CYP19A1: variants seen among roughly 807,000 people sequenced by gnomAD.
CYP19A1 encodes the protein cytochrome P450 family 19 subfamily A member 1.
A neutral mutation model predicts 44.4 loss-of-function variants in CYP19A1; 32 were observed. The ratio of observed to expected loss-of-function variants is 0.72; its 90% CI spans 0.54 to 0.97. CYP19A1 has a LOEUF of 0.97. Ranked by LOEUF, CYP19A1 falls within the 50% of genes least tolerant of loss-of-function variation. CYP19A1 has a pLI of 0.00. For missense variants in CYP19A1, 598 were observed against 637.8 expected, an observed-to-expected ratio of 0.94 and a Z score of 0.67; for synonymous variants, 212 against 215.6, an observed-to-expected ratio of 0.98 and a Z score of 0.14.
At position 51,212,434 on chromosome 15, in the gene CYP19A1, G is replaced by A. The variant is rs913631342; in HGVS notation, c.1149C>T (p.Ile383=). The change falls in exon 9 of 10, where the codon ATC becomes ATT. Residue 383 remains isoleucine (I), a synonymous_variant. Coordinates refer to ENST00000396402, the MANE Select transcript of CYP19A1 (RefSeq NM_000103.4). The part of the protein sequence containing the change: ...VMRKALEDDV[I]DGYPVKKGTN... ...TCCCCTTTTTCACTGGGTAGCCATC[G>A]ATTACATCATCTTCTAAGGCTTTGC... is the stretch of plus-strand genomic sequence containing the variant. The A allele has an allele frequency of 6.8e-6, 11 of 1,608,464 alleles. No homozygotes were observed. The highest frequency in any genetic ancestry group is 2.2e-5 in the East Asian group (1 of 44,850).
intron 1 of CYP19A1, among the ~76,000 whole-genome samples, chr15:51,288,063 C>T (rs773014108): frequency 1.1e-4 from 16 of 152,190 alleles, no homozygotes; most frequent in Non-Finnish European, 1.8e-4. Flanking sequence ...AGATCTCCTA[C>T]AGCAATCACA....
At chr15:51,328,844 GAATAGAGCA>G (rs996505688) in intron 1 of CYP19A1, among the ~76,000 whole-genome samples, 1 of 152,166 alleles carries the variant, frequency 6.6e-6, no homozygotes, top group African/African-American at 2.4e-5. Context: ...CTGAAGGCCT[GAATAGAGCA>G]AAAAGTTTAC....
intron 1 of CYP19A1, among the ~76,000 whole-genome samples, chr15:51,274,103 T>G (rs2035222109): frequency 1.3e-5 from 2 of 151,752 alleles, no homozygotes; most frequent in South Asian, 4.2e-4. Context: ...AGGTAGAGAG[T>G]GGGACTGGGC....
rs560115843 is a variant in CYP19A1 at position 51,264,398 on chromosome 15, C to T, written c.-38-21448G>A. Among the ~76,000 whole-genome samples the T allele has an allele frequency of 2.0e-3, 299 of 151,984 alleles. 1 individual carries two copies. The highest frequency in any genetic ancestry group is 6.6e-3 in the African/African-American group (274 of 41,428). On this transcript the variant is annotated intron_variant, in intron 1 of 9. Coordinates refer to ENST00000396402, the MANE Select transcript of CYP19A1 (RefSeq NM_000103.4). ...GGAGTCGGGGGGGAGGGTAAGACCCCGAGAAAGATACCAAAGCCTTTGGTT... is the reference window on the plus strand; with the variant it reads ...GGAGTCGGGGGGGAGGGTAAGACCCTGAGAAAGATACCAAAGCCTTTGGTT...
chr15:51,306,295 G>T (rs2141007252), intron 1 of CYP19A1, among the ~76,000 whole-genome samples: 1 of 152,268 alleles, frequency 6.6e-6, no homozygotes, highest in Non-Finnish European at 1.5e-5. Context: ...GAATATTGGA[G>T]AAATAAAAGC....
intron 1 of CYP19A1, among the ~76,000 whole-genome samples, chr15:51,294,387 T>C (rs1366697302): frequency 4.2e-5 from 5 of 118,834 alleles, no homozygotes; most frequent in South Asian, 2.9e-4. Flanking sequence ...AGGTGAGGAG[T>C]GTCTCTGCCC....
chr15:51,292,919 A>C (rs2035881738), intron 1 of CYP19A1, among the ~76,000 whole-genome samples: 1 of 150,864 alleles, frequency 6.6e-6, no homozygotes, highest in Non-Finnish European at 1.5e-5. Flanking sequence ...TCTGCTTGGC[A>C]TTGAGGGGCA....
chr15:51,283,878 C>A lies in CYP19A1; in HGVS notation c.-38-40928G>T, dbSNP rs193207371. Among the ~76,000 whole-genome samples, 756 of 152,324 alleles carry A rather than the reference C, an allele frequency of 5.0e-3. 13 individuals are homozygous for A. Among genetic ancestry groups the A allele is most frequent in the African/African-American group, 0.018 (738 of 41,568 alleles). On this transcript the variant is annotated intron_variant, in intron 1 of 9. Transcript: ENST00000396402. Reference sequence around the variant, plus strand: ...AACAATTGTCCCCTGCCACAGCAGGCAGTGTTGCCATAGACCTTTGCAGCA... The same window carrying A: ...AACAATTGTCCCCTGCCACAGCAGGAAGTGTTGCCATAGACCTTTGCAGCA...
intron 1 of CYP19A1, among the ~76,000 whole-genome samples, chr15:51,301,058 A>G (rs746148505): frequency 3.3e-5 from 5 of 152,222 alleles, no homozygotes; most frequent in African/African-American, 4.8e-5. Flanking sequence ...AAGGGAAGTC[A>G]GATCCAAAGG....
intron 3 of CYP19A1, among the ~76,000 whole-genome samples, 177 bp downstream of exon 3, chr15:51,236,681 AG>A (rs1319113485): frequency 1.3e-5 from 2 of 152,220 alleles, no homozygotes; most frequent in African/African-American, 4.8e-5. Flanking sequence ...CTTCAATTCA[AG>A]CAAAACCCAA....
intron 3 of CYP19A1, among the ~76,000 whole-genome samples, chr15:51,236,419 T>C (rs1012928110): frequency 1.3e-5 from 2 of 152,234 alleles, no homozygotes; most frequent in East Asian, 3.8e-4. Flanking sequence ...ACCCAGACTA[T>C]AGTGCAGTGA....
chr15:51,285,593 C>G (rs996618346), intron 1 of CYP19A1, among the ~76,000 whole-genome samples: 2 of 152,190 alleles, frequency 1.3e-5, no homozygotes, highest in Non-Finnish European at 2.9e-5. Flanking sequence ...TGGAATGGGT[C>G]TAGACTTGCT....
intron 1 of CYP19A1, among the ~76,000 whole-genome samples, chr15:51,297,164 A>G (rs565485367): frequency 6.6e-6 from 1 of 152,324 alleles, no homozygotes; most frequent in Admixed American, 6.5e-5. Context: ...GACCTGGAAG[A>G]ACTTGAGAAT....
chr15:51,275,184 T>G (rs955812403), intron 1 of CYP19A1, among the ~76,000 whole-genome samples: 1 of 152,226 alleles, frequency 6.6e-6, no homozygotes, highest in Non-Finnish European at 1.5e-5. Flanking sequence ...CTACCCCACT[T>G]CACTTGGGAT....
rs941529439 is a variant in CYP19A1 at position 51,280,302 on chromosome 15, C to G, written c.-38-37352G>C. ...TTTAGTAGAGACGGGGTTTCACAGT[C>G]TTAGCCAGGATGGTCTTGATCTCCT... On this transcript the variant is annotated intron_variant, in intron 1 of 9. Coordinates refer to ENST00000396402, the MANE Select transcript of CYP19A1 (RefSeq NM_000103.4). Among the ~76,000 whole-genome samples, 20 of 151,770 alleles carry G rather than the reference C, an allele frequency of 1.3e-4. 1 individual carries two copies. Among genetic ancestry groups the G allele is most frequent in the Non-Finnish European group, 2.1e-4 (14 of 67,910 alleles).
At chr15:51,305,452 G>A (rs967676941) in intron 1 of CYP19A1, among the ~76,000 whole-genome samples, 6 of 152,188 alleles carry the variant, frequency 3.9e-5, no homozygotes, top group Non-Finnish European at 7.3e-5. Flanking sequence ...AGGGATGTGG[G>A]ATGATGGCAG....
At chr15:51,218,138 GTTAAA>G (rs909216447) in intron 6 of CYP19A1, among the ~76,000 whole-genome samples, 27 of 152,154 alleles carry the variant, frequency 1.8e-4, no homozygotes, top group African/African-American at 6.5e-4. Flanking sequence ...GTTGAATTAT[GTTAAA>G]TTCATTCAAA....
intron 1 of CYP19A1, among the ~76,000 whole-genome samples, chr15:51,301,513 G>C (rs1251293122): frequency 6.6e-6 from 1 of 152,194 alleles, no homozygotes; most frequent in Non-Finnish European, 1.5e-5. Flanking sequence ...CCCTCCCAAG[G>C]GGTCTTAGGA....
intron 1 of CYP19A1, among the ~76,000 whole-genome samples, chr15:51,304,890 C>CATTT (rs1555398466): frequency 9.6e-6 from 1 of 104,572 alleles, no homozygotes; most frequent in Non-Finnish European, 1.8e-5. Context: ...GTGTCTCTTC[C>CATTT]TTTTTTTTTT....
Sources: allele counts gnomAD v4.1 joint callset (sites outside exome capture counted in the v4.1 genomes callset), GRCh38; gene constraint gnomAD v4.1.1; transcripts MANE v1.5; gene names NCBI Gene and HGNC (gene_info 2026-07-23, HGNC 2026-07-21).